RANBP10: variants seen among roughly 807,000 people sequenced by gnomAD.
RANBP10 encodes the protein ran-binding protein 10.
In RANBP10, 24 loss-of-function variants were observed where a neutral mutation model predicts 72.8. The ratio of observed to expected loss-of-function variants is 0.33; its 90% CI spans 0.24 to 0.46. The LOEUF (loss-of-function observed/expected upper bound fraction) is 0.46, where lower values mean the gene tolerates loss of function less well. RANBP10 is among the 20% of genes least tolerant of loss of function. The pLI, the probability that RANBP10 is intolerant of heterozygous loss-of-function variation, is 1.00. For missense variants in RANBP10, 679 were observed against 817.5 expected (o/e 0.83, Z 2.07); for synonymous variants, 310 against 322.3 (o/e 0.96, Z 0.41).
In RANBP10 at chr16:67,805,550, A is replaced by G. The variant is rs1480261507; in HGVS notation, c.236-11T>C. 1 of 1,608,594 alleles carries G rather than the reference A, an allele frequency of 6.2e-7. No individual in the cohort carries two copies. ...GATTTTTGCCATGACCTAACAGGAGAGGGCAAGTAAGAAATTTCAGCAGAA... is the reference window on the plus strand; with the variant it reads ...GATTTTTGCCATGACCTAACAGGAGGGGGCAAGTAAGAAATTTCAGCAGAA... On this transcript the variant is annotated splice_polypyrimidine_tract_variant and intron_variant, in intron 1 of 13. Coordinates refer to ENST00000317506, the MANE Select transcript of RANBP10 (RefSeq NM_020850.3).
intron 2 of RANBP10, among the ~76,000 whole-genome samples, chr16:67,803,650 CAAA>C (rs1184321273): frequency 4.2e-5 from 2 of 47,084 alleles, no homozygotes; most frequent in South Asian, 1.2e-3. Flanking sequence ...AACTCCGTCT[CAAA>C]AAAAAAAAAA....
rs2053574060 is a variant in RANBP10, at chr16:67,724,868, C to T, written c.*1560G>A. 1 of 152,390 alleles carries T rather than the reference C, an allele frequency of 6.6e-6. No individual in the cohort carries two copies. The highest frequency in any genetic ancestry group is 2.4e-5 in the African/African-American group (1 of 41,462). The allele number at this position is 152,390 out of a possible 1,614,324, so 9.4% of individuals were successfully genotyped here. A position where few individuals can be genotyped will look rare whatever the true frequency, so the allele number is the denominator to read the frequency against. On this transcript the variant is annotated 3_prime_UTR_variant, in exon 14 of 14. Transcript: ENST00000317506. The stretch of plus-strand genomic sequence containing the variant: ...TCCGGCCTTGCCATGGCTGACCCTA[C>T]TCTTTGCATGGGCGGCTTGTGCACT...
chr16:67,804,292 T>TG (rs967422451), intron 2 of RANBP10, among the ~76,000 whole-genome samples: 5 of 151,752 alleles, frequency 3.3e-5, no homozygotes, highest in African/African-American at 1.2e-4. Context: ...TCACAATCAC[T>TG]GGGAAAAAAA....
At chr16:67,772,547 T>A (rs1043245262) in intron 2 of RANBP10, among the ~76,000 whole-genome samples, 1 of 152,156 alleles carries the variant, frequency 6.6e-6, no homozygotes, top group African/African-American at 2.4e-5. Context: ...CTACATAGGA[T>A]CATCAATCAA....
At chr16:67,772,349 A>C (rs1043193854) in intron 2 of RANBP10, among the ~76,000 whole-genome samples, 1 of 152,154 alleles carries the variant, frequency 6.6e-6, no homozygotes, top group African/African-American at 2.4e-5. Flanking sequence ...ATTTCAGAGG[A>C]AAGTGTCATG....
At chr16:67,747,107 A>G (rs760412169) in intron 3 of RANBP10, among the ~76,000 whole-genome samples, 1 of 152,258 alleles carries the variant, frequency 6.6e-6, no homozygotes, top group Non-Finnish European at 1.5e-5. Flanking sequence ...CAAACTGTCA[A>G]ACTGTTTTCC....
At chr16:67,771,637 C>T (rs1007655126) in intron 3 of RANBP10, among the ~76,000 whole-genome samples, 6 of 152,142 alleles carry the variant, frequency 3.9e-5, no homozygotes, top group Non-Finnish European at 5.9e-5. Flanking sequence ...CCGCTGTGCC[C>T]GGCCAAAAAC....
intron 3 of RANBP10, among the ~76,000 whole-genome samples, chr16:67,770,939 G>A (rs772457727): frequency 6.6e-6 from 1 of 151,936 alleles, no homozygotes; most frequent in Non-Finnish European, 1.5e-5. Flanking sequence ...GGTGAAAAGC[G>A]AGACCCTGTC....
At chr16:67,727,585 GC>G in intron 12 of RANBP10, 147 bp from the exon 13 acceptor site, 1 of 1,323,270 alleles carries the variant, frequency 7.6e-7, no homozygotes, top group Non-Finnish European at 1.1e-6. Context: ...TCTCCCCAGA[GC>G]CTAGGTGTGG....
intron 13 of RANBP10, among the ~76,000 whole-genome samples, chr16:67,727,071 G>C (rs572555647): frequency 1.4e-4 from 22 of 152,350 alleles, no homozygotes; most frequent in African/African-American, 5.3e-4. Flanking sequence ...AAGGCGGGCA[G>C]ATCACCTGAG....
At chr16:67,759,087 C>G (rs750308595) in intron 3 of RANBP10, among the ~76,000 whole-genome samples, 7 of 152,244 alleles carry the variant, frequency 4.6e-5, no homozygotes, top group Non-Finnish European at 7.3e-5. Context: ...ACACCATTAG[C>G]CACCGCTTGA....
intron 2 of RANBP10, among the ~76,000 whole-genome samples, chr16:67,772,463 A>C (rs1248154045): frequency 1.3e-5 from 2 of 152,192 alleles, no homozygotes; most frequent in Non-Finnish European, 2.9e-5. Context: ...TGCTTTACAG[A>C]GCAATGCACG....
intron 3 of RANBP10, among the ~76,000 whole-genome samples, chr16:67,758,276 T>C (rs2054328337): frequency 6.6e-6 from 1 of 152,190 alleles, no homozygotes; most frequent in Non-Finnish European, 1.5e-5. Context: ...TAACCCATAC[T>C]GAACTAGGAA....
At chr16:67,731,786 G>A (rs991268103) in intron 6 of RANBP10, among the ~76,000 whole-genome samples, 2 of 152,172 alleles carry the variant, frequency 1.3e-5, no homozygotes, top group African/African-American at 2.4e-5. Context: ...GTCAGGCTTC[G>A]GAGGGGCTGG....
At chr16:67,772,343 C>T (rs1168905059) in intron 2 of RANBP10, among the ~76,000 whole-genome samples, 1 of 152,186 alleles carries the variant, frequency 6.6e-6, no homozygotes, top group Non-Finnish European at 1.5e-5. Flanking sequence ...GCTTCAATTT[C>T]AGAGGAAAGT....
intron 6 of RANBP10, among the ~76,000 whole-genome samples, chr16:67,732,970 C>T (rs1165435678): frequency 6.7e-6 from 1 of 148,304 alleles, no homozygotes; most frequent in Non-Finnish European, 1.5e-5. Flanking sequence ...AGGAGAATGG[C>T]TTGAACCCAG....
chr16:67,734,965 C>G lies in RANBP10; in HGVS notation c.669G>C (p.Leu223=). The G allele has an allele frequency of 6.2e-7, 1 of 1,614,142 alleles. No homozygotes were observed. The highest frequency in any genetic ancestry group is 8.5e-7 in the Non-Finnish European group (1 of 1,179,994). Reference sequence around the variant, plus strand: ...CCCGCATGTAGTCCTCAATGTCAAACAGGAAGGGCTGCTGCCCAAAGTTGG... The same window carrying G: ...CCCGCATGTAGTCCTCAATGTCAAAGAGGAAGGGCTGCTGCCCAAAGTTGG... ...VDANFGQQPF[L]FDIEDYMREW... is the part of the protein sequence containing the mutation. The change falls in exon 6 of 14, where the codon CTG becomes CTC. Residue 223 remains leucine (L), a synonymous_variant. Transcript: ENST00000317506.
chr16:67,768,456 G>A (rs1229280882), intron 3 of RANBP10, among the ~76,000 whole-genome samples: 2 of 152,156 alleles, frequency 1.3e-5, no homozygotes, highest in Non-Finnish European at 2.9e-5. Flanking sequence ...GGGAGGTGGA[G>A]GTTGCGGTGA....
intron 3 of RANBP10, among the ~76,000 whole-genome samples, chr16:67,755,128 G>T (rs1401184074): frequency 6.6e-6 from 1 of 152,128 alleles, no homozygotes; most frequent in Admixed American, 6.5e-5. Context: ...CATGCCTAGG[G>T]TGCTGCCCTT....
Sources: allele counts gnomAD v4.1 joint callset (sites outside exome capture counted in the v4.1 genomes callset), GRCh38; gene constraint gnomAD v4.1.1; transcripts MANE v1.5; gene names NCBI Gene and HGNC (gene_info 2026-07-23, HGNC 2026-07-21).